Variants in ZNF469 observed in about 807,000 individuals in gnomAD.
The protein encoded by ZNF469 is zinc finger protein 469.
Under a neutral mutation model 1.0 loss-of-function variants are expected in ZNF469, and 1 was observed. The observed-to-expected ratio is 1.00, with a 90% CI of 0.35 to 4.73. ZNF469 has a LOEUF of 4.73. Among genes scored for constraint, ZNF469 ranks in the 30% most tolerant of loss-of-function variants. ZNF469 has a pLI of 0.16. For synonymous variants in ZNF469, 2,703 were observed against 2,363.4 expected (o/e 1.14, Z -4.17); for missense variants, 6,100 against 5,356.3 (o/e 1.14, Z -4.33).
Position 88,439,380 on chromosome 16 carries a change from G to C in ZNF469, c.*48G>C, listed in dbSNP as rs535536089. 19 of 1,546,402 alleles carry C rather than the reference G, an allele frequency of 1.2e-5. No individual in the cohort carries two copies. In the East Asian group the frequency reaches 4.4e-4, roughly 36 times the overall value. ...ACCGGAGCTGGGCGTTCCTGTCTCGGCCTGCCTCCTTGGCCAGCTCCGGCT... is the reference window on the plus strand; with the variant it reads ...ACCGGAGCTGGGCGTTCCTGTCTCGCCCTGCCTCCTTGGCCAGCTCCGGCT... On this transcript the variant is annotated 3_prime_UTR_variant, in exon 3 of 3. Transcript: ENST00000565624.
chr16:88,300,576 A>G, the ZNF469 span, among the ~76,000 whole-genome samples: 1 of 151,988 alleles, frequency 6.6e-6, no homozygotes, highest in South Asian at 2.1e-4. Flanking sequence ...CATTTCTTGT[A>G]TACAAAGGGA....
At chr16:88,229,628 G>GGATGTCACGCGTGTGCGCT in the ZNF469 span, among the ~76,000 whole-genome samples, 14 of 147,352 alleles carry the variant, frequency 9.5e-5, no homozygotes, top group Admixed American at 9.4e-4. Context: ...TCACGCGTGT[G>GGATGTCACGCGTGTGCGCT]GATGTCACGT....
chr16:88,275,944 G>C, the ZNF469 span, among the ~76,000 whole-genome samples: 1 of 152,166 alleles, frequency 6.6e-6, no homozygotes, highest in Non-Finnish European at 1.5e-5. Context: ...GGAAAACACG[G>C]GAACAGGCCC....
At chr16:88,380,480 TAC>T (rs1567495398), upstream of ZNF469, among the ~76,000 whole-genome samples, 1 of 74,026 alleles carries the variant, frequency 1.4e-5, no homozygotes, top group African/African-American at 5.1e-5. Flanking sequence ...CACTCACACA[TAC>T]GTGCACACAC....
the ZNF469 span, among the ~76,000 whole-genome samples, chr16:88,168,750 G>A: frequency 5.9e-5 from 9 of 152,208 alleles, no homozygotes; most frequent in African/African-American, 9.7e-5. The surrounding 1 kb of genome is among the most constrained non-coding windows in gnomAD (Gnocchi z 4.3). Flanking sequence ...AAACAGCACC[G>A]TGGCAGGCCT....
the ZNF469 span, among the ~76,000 whole-genome samples, chr16:88,347,296 G>A: frequency 6.6e-6 from 1 of 152,070 alleles, no homozygotes; most frequent in Non-Finnish European, 1.5e-5. Flanking sequence ...ACCCGTGCAC[G>A]GGCCCTTCTT....
rs1434936567 is a variant in ZNF469, at chr16:88,436,825, G to C, written c.9355G>C (p.Val3119Leu). 3.7e-5 allele frequency: 57 copies of C among 1,538,426 alleles called. No individual in the cohort carries two copies. The highest frequency in any genetic ancestry group is 4.7e-5 in the Non-Finnish European group (54 of 1,145,752). The change falls in exon 3 of 3, where the codon GTG (valine) becomes CTG (leucine). Residue 3119 changes from valine to leucine, a missense_variant. Physicochemically the swap from Val to Leu is conservative, Grantham distance 32. Coordinates refer to ENST00000565624, the MANE Select transcript of ZNF469 (RefSeq NM_001367624.2). The part of the protein sequence containing the change: ...KGRRASYKCK[V>L]CFQRFRSLGE... Reference sequence around the variant, plus strand: ...CAGGCGGGCCTCCTACAAGTGCAAAGTGTGCTTCCAGCGCTTCCGCAGCCT... The same window carrying C: ...CAGGCGGGCCTCCTACAAGTGCAAACTGTGCTTCCAGCGCTTCCGCAGCCT...
chr16:88,320,074 C>G, the ZNF469 span, among the ~76,000 whole-genome samples: 1 of 152,264 alleles, frequency 6.6e-6, no homozygotes, highest in Non-Finnish European at 1.5e-5. Flanking sequence ...CAGGCCTCCA[C>G]TCATGGAGCA....
At chr16:88,384,528 G>C (rs1001931681) in intron 1 of ZNF469, among the ~76,000 whole-genome samples, 23 of 152,238 alleles carry the variant, frequency 1.5e-4, no homozygotes, top group Non-Finnish European at 3.1e-4. Context: ...CCTGGGAGAC[G>C]TGTCTTCCAT....
chr16:88,124,768 G>C, the ZNF469 span, among the ~76,000 whole-genome samples: 2 of 152,144 alleles, frequency 1.3e-5, no homozygotes, highest in African/African-American at 4.8e-5. Flanking sequence ...ATTTTTAGTA[G>C]AGACGGGGTT....
In ZNF469 at chr16:88,427,784, C is replaced by T; in HGVS notation, c.314C>T (p.Pro105Leu). ...TPPGRSPLQA[P>L]SRLAGRAEGS... ...CCGGGGAGAAGCCCCTTGCAGGCTC[C>T]CTCAAGGCTGGCGGGCAGGGCAGAG... is the stretch of plus-strand genomic sequence containing the variant. The change falls in exon 3 of 3, where the codon CCC becomes CTC. Residue 105 changes from proline (P) to leucine (L), a missense_variant. Pro to Leu is a moderately conservative substitution (Grantham distance 98). Coordinates refer to ENST00000565624, the MANE Select transcript of ZNF469 (RefSeq NM_001367624.2). 3 of 1,547,150 alleles carry T rather than the reference C, an allele frequency of 1.9e-6. No homozygotes were observed. Among genetic ancestry groups the T allele is most frequent in the Non-Finnish European group, 1.7e-6 (2 of 1,146,754 alleles).
At chr16:88,310,570 T>A in the ZNF469 span, among the ~76,000 whole-genome samples, 209 of 152,002 alleles carry the variant, frequency 1.4e-3, no homozygotes, top group African/African-American at 4.5e-3. Flanking sequence ...TTTATTTTTT[T>A]TTTTTTATTA....
At chr16:88,150,769 G>T in the ZNF469 span, among the ~76,000 whole-genome samples, 94 of 150,162 alleles carry the variant, frequency 6.3e-4, no homozygotes, top group Non-Finnish European at 9.5e-4. Context: ...GGGTGGGAGG[G>T]CGCTAATTTT....
the ZNF469 span, among the ~76,000 whole-genome samples, chr16:88,288,472 A>G: frequency 2.6e-5 from 4 of 152,214 alleles, no homozygotes; most frequent in South Asian, 6.2e-4. Flanking sequence ...AAATCTATCA[A>G]TCATCAAGGC....
At chr16:88,142,090 G>T in the ZNF469 span, among the ~76,000 whole-genome samples, 1 of 152,250 alleles carries the variant, frequency 6.6e-6, no homozygotes. Flanking sequence ...CAGCGGCCAG[G>T]ATCTCAACAG....
At chr16:88,285,554 C>T in the ZNF469 span, among the ~76,000 whole-genome samples, 2 of 152,276 alleles carry the variant, frequency 1.3e-5, no homozygotes, top group Non-Finnish European at 2.9e-5. Flanking sequence ...CAGCAGCTGA[C>T]ACGGCACCCA....
the ZNF469 span, among the ~76,000 whole-genome samples, chr16:88,300,942 G>A: frequency 2.0e-5 from 3 of 152,084 alleles, no homozygotes; most frequent in Admixed American, 6.5e-5. Context: ...GCAGGTGCCT[G>A]TAATCCCAGC....
At chr16:88,380,585 G>GCACTCACACACATGCACTCA (rs2092519652), upstream of ZNF469, among the ~76,000 whole-genome samples, 1 of 123,560 alleles carries the variant, frequency 8.1e-6, no homozygotes. Flanking sequence ...ACACAGACAT[G>GCACTCACACACATGCACTCA]CACTCACACA....
the ZNF469 span, among the ~76,000 whole-genome samples, chr16:88,237,416 C>T: frequency 4.6e-4 from 8 of 17,236 alleles, no homozygotes; most frequent in African/African-American, 1.2e-3. Context: ...CCCTGCCCTC[C>T]GTGCTCCTGC....
Sources: allele counts gnomAD v4.1 joint callset (sites outside exome capture counted in the v4.1 genomes callset), GRCh38; gene constraint gnomAD v4.1.1; non-coding constraint Gnocchi (gnomAD v3.1); transcripts MANE v1.5; gene names NCBI Gene and HGNC (gene_info 2026-07-23, HGNC 2026-07-21).